NINJ2: variants seen among roughly 807,000 people sequenced by gnomAD.
The protein encoded by NINJ2 is ninjurin-2.
NINJ2 carries 12 observed loss-of-function variants against 11.7 expected under a neutral mutation model. The observed-to-expected ratio is 1.02, with a 90% CI of 0.66 to 1.66. The LOEUF (loss-of-function observed/expected upper bound fraction) is 1.66. Ranked by LOEUF, NINJ2 falls within the 40% of genes most tolerant of loss-of-function variation. The pLI is 0.00. For missense variants in NINJ2, 187 were observed against 181.8 expected, an observed-to-expected ratio of 1.03 and a Z score of -0.16; for synonymous variants, 93 against 76.8, an observed-to-expected ratio of 1.21 and a Z score of -1.10.
rs1189768045 is a variant in NINJ2, at chr12:663,422, C to T, written c.-62G>A. The stretch of plus-strand genomic sequence containing the variant: ...CCGGGAACAGACTGCGTGGGCTCCT[C>T]CAGGCTCCGCCGTCTGAGTCTCTGC... On this transcript the variant is annotated 5_prime_UTR_variant, in exon 1 of 4. Coordinates refer to ENST00000305108, the MANE Select transcript of NINJ2 (RefSeq NM_016533.6). 2 of 1,614,124 alleles carry T rather than the reference C, an allele frequency of 1.2e-6. No homozygotes were observed. Among genetic ancestry groups the T allele is most frequent in the South Asian group, 2.2e-5 (2 of 91,080 alleles).
In NINJ2 at chr12:643,389, G is replaced by A. The variant is rs374940811; in HGVS notation, c.33+19939C>T. 4.5e-4 allele frequency: 427 copies of A among 952,210 alleles called. 1 individual carries two copies. The African/African-American group carries it at 7.0e-3, about 16-fold the overall frequency. The allele number at this position is 952,210 out of a possible 1,614,324, so 59.0% of individuals were successfully genotyped here. On this transcript the variant is annotated intron_variant, in intron 1 of 3. Coordinates refer to ENST00000305108, the MANE Select transcript of NINJ2 (RefSeq NM_016533.6). ...TGAGTCCGCGGAGGAAAGGGTCGCA[G>A]CTGCAGTCGCGCCAGCCCTCGGGCC...
chr12:643,591 C>T (rs937564622), intron 1 of NINJ2: 4 of 987,948 alleles, frequency 4.0e-6, no homozygotes, highest in African/African-American at 1.7e-5. Flanking sequence ...AACCGAGGCT[C>T]GGAGAGATGA....
chr12:611,227 T>TTTC (rs1565634823), intron 1 of NINJ2, among the ~76,000 whole-genome samples: 7 of 144,058 alleles, frequency 4.9e-5, no homozygotes, highest in African/African-American at 1.8e-4. Flanking sequence ...CTTTCTTTCT[T>TTTC]TTTCTTTCTT....
chr12:637,777 T>G (rs1003181259), intron 1 of NINJ2, among the ~76,000 whole-genome samples: 1 of 152,064 alleles, frequency 6.6e-6, no homozygotes, highest in Admixed American at 6.5e-5. Flanking sequence ...GGCAACCAGG[T>G]GTTGCTGGTT....
intron 1 of NINJ2, among the ~76,000 whole-genome samples, chr12:583,289 A>T (rs567468642): frequency 1.2e-4 from 19 of 152,392 alleles, no homozygotes; most frequent in African/African-American, 3.6e-4. Context: ...GCCCAGATTC[A>T]GGCTAGAAGT....
At chr12:657,394 C>T (rs577641991) in intron 1 of NINJ2, among the ~76,000 whole-genome samples, 1 of 152,148 alleles carries the variant, frequency 6.6e-6, no homozygotes, top group Non-Finnish European at 1.5e-5. Context: ...TTGAGACCAG[C>T]CTGGCCAACA....
chr12:629,916 T>TATATATAC lies in NINJ2; in HGVS notation c.33+33411_33+33412insGTATATAT, dbSNP rs147102413. ...AAAAAAATATATATATATATATATA[T>TATATATAC]ATATATGAAGTTTCTTTGCGATTTT... On this transcript the variant is annotated intron_variant, in intron 1 of 3. Transcript: ENST00000305108. 1.8e-4 allele frequency among the ~76,000 whole-genome samples: 13 copies of TATATATAC among 72,984 alleles called. 1 individual carries two copies. The highest frequency in any genetic ancestry group is 4.9e-4 in the East Asian group (1 of 2,046). 47.9% of individuals were successfully genotyped at this position (72,984 alleles called of 152,430 possible).
At chr12:566,443 G>A (rs561503792) in intron 1 of NINJ2, among the ~76,000 whole-genome samples, 1 of 152,308 alleles carries the variant, frequency 6.6e-6, no homozygotes, top group East Asian at 1.9e-4. Context: ...ACATCTGGCT[G>A]GAGAAAGCCG....
At chr12:625,120 A>AC (rs1948198621) in intron 1 of NINJ2, among the ~76,000 whole-genome samples, 1 of 147,590 alleles carries the variant, frequency 6.8e-6, no homozygotes, top group Non-Finnish European at 1.5e-5. Context: ...AAAAAAAAAA[A>AC]GATATATATA....
At chr12:601,313 G>A (rs573964196) in intron 1 of NINJ2, among the ~76,000 whole-genome samples, 3,682 of 146,600 alleles carry the variant, frequency 0.025, 87 homozygotes, top group Non-Finnish European at 0.029. Flanking sequence ...TTGGGAGGCT[G>A]AGGCGGGCGG....
intron 1 of NINJ2, among the ~76,000 whole-genome samples, chr12:655,432 G>A (rs1937859920): frequency 6.6e-6 from 1 of 152,156 alleles, no homozygotes; most frequent in South Asian, 2.1e-4. Flanking sequence ...CAGGATACAA[G>A]GTTAATACAT....
chr12:649,116 G>T (rs1436006936), intron 1 of NINJ2, among the ~76,000 whole-genome samples: 1 of 151,026 alleles, frequency 6.6e-6, no homozygotes, highest in African/African-American at 2.4e-5. Context: ...GCGCGATCTC[G>T]GCTCACTGCA....
rs572880007 is a variant in NINJ2, at chr12:601,560, A to AT, written c.34-35383_34-35382insA. Among the ~76,000 whole-genome samples the AT allele has an allele frequency of 4.8e-4, 72 of 149,576 alleles. 1 individual carries two copies. The South Asian group carries it at 7.4e-3, about 15-fold the overall frequency. On this transcript the variant is annotated intron_variant, in intron 1 of 3. Coordinates refer to ENST00000305108, the MANE Select transcript of NINJ2 (RefSeq NM_016533.6). The stretch of plus-strand genomic sequence containing the variant: ...CAAGACTCCGTCTCAAAAAAAAAAA[A>AT]AAATAAATAAATAAAACAAATAGCC...
chr12:658,714 TGCTATGCTATGCTA>T (rs1937911610), intron 1 of NINJ2, among the ~76,000 whole-genome samples: 1 of 144,504 alleles, frequency 6.9e-6, no homozygotes, highest in Non-Finnish European at 1.5e-5. Context: ...TGCTATGCTA[TGCTATGCTATGCTA>T]ATGCTATGCT....
chr12:600,332 T>C (rs1354407636), intron 1 of NINJ2, among the ~76,000 whole-genome samples: 1 of 152,088 alleles, frequency 6.6e-6, no homozygotes, highest in Non-Finnish European at 1.5e-5. Flanking sequence ...GGTGGCAGAA[T>C]GCCTGAGCTC....
chr12:607,381 C>T (rs1947954819), intron 1 of NINJ2, among the ~76,000 whole-genome samples: 1 of 151,940 alleles, frequency 6.6e-6, no homozygotes, highest in South Asian at 2.1e-4. Flanking sequence ...ATGATGATGA[C>T]GACTGGAGTA....
chr12:609,847 C>A (rs1252076379), intron 1 of NINJ2, among the ~76,000 whole-genome samples: 1 of 148,542 alleles, frequency 6.7e-6, no homozygotes, highest in African/African-American at 2.5e-5. Flanking sequence ...GAGGCTCAGG[C>A]AGGAGGATTG....
intron 1 of NINJ2, among the ~76,000 whole-genome samples, chr12:617,719 C>T (rs539904245): frequency 2.6e-4 from 39 of 152,312 alleles, no homozygotes; most frequent in East Asian, 7.7e-4. Context: ...CTCCCCAGGA[C>T]GTTCTGGTTT....
chr12:630,296 G>C (rs1308352482), intron 1 of NINJ2, among the ~76,000 whole-genome samples: 2 of 152,156 alleles, frequency 1.3e-5, no homozygotes, highest in Admixed American at 6.5e-5. Context: ...TTATAGCAGA[G>C]AGGGTCATTG....
Sources: gnomAD v4.1 joint callset for allele counts (sites outside exome capture counted in the v4.1 genomes callset) on GRCh38, gnomAD v4.1.1 for gene constraint, MANE v1.5 for transcripts, NCBI Gene and HGNC (gene_info 2026-07-23, HGNC 2026-07-21) for gene names.